Variants in MPZL1 observed in about 807,000 individuals in gnomAD.
The protein encoded by MPZL1 is myelin protein zero-like protein 1.
MPZL1 carries 16 observed loss-of-function variants against 29.3 expected under a neutral mutation model. The ratio of observed to expected loss-of-function variants is 0.55; its 90% CI spans 0.37 to 0.83. MPZL1 has a LOEUF of 0.83. MPZL1 is among the 40% of genes least tolerant of loss of function. MPZL1 has a pLI of 0.00. For synonymous variants in MPZL1, 143 were observed against 132.0 expected (o/e 1.08, Z -0.57); for missense variants, 279 against 332.9 (o/e 0.84, Z 1.26).
rs1661636791 is a variant in MPZL1 at position 167,788,506 on chromosome 1, T to C, written c.*585T>C. ...TTTTGAAGTTTTTCTCACTAAAATA[T>C]GGGGCAATTGTTAGCCTTACATGTT... On this transcript the variant is annotated 3_prime_UTR_variant, in exon 6 of 6. Transcript: ENST00000359523. The C allele has an allele frequency of 6.6e-6, 1 of 152,454 alleles. No individual in the cohort carries two copies. Among genetic ancestry groups the C allele is most frequent in the African/African-American group, 2.4e-5 (1 of 41,468 alleles). The allele number at this position is 152,454 out of a possible 1,614,324, so 9.4% of individuals were successfully genotyped here.
chr1:167,751,288 A>G (rs1660749566), intron 1 of MPZL1, among the ~76,000 whole-genome samples: 2 of 152,230 alleles, frequency 1.3e-5, no homozygotes, highest in Admixed American at 6.5e-5. Context: ...TCCCATCAAA[A>G]TGGTTGTGAT....
chr1:167,785,836 G>A (rs1023374788), intron 5 of MPZL1, among the ~76,000 whole-genome samples: 16 of 152,012 alleles, frequency 1.1e-4, no homozygotes, highest in African/African-American at 3.4e-4. Flanking sequence ...TTTGTCACCC[G>A]GGCTGAAGTG....
At chr1:167,773,473 T>G (rs900698186) in intron 4 of MPZL1, 105 bp downstream of exon 4, 70 of 1,329,396 alleles carry the variant, frequency 5.3e-5, no homozygotes, top group Non-Finnish European at 6.8e-5. Flanking sequence ...TAACTACTAT[T>G]TTCTTTCATG....
At chr1:167,778,523 A>ATGGATGGAT (rs1661418594) in intron 5 of MPZL1, among the ~76,000 whole-genome samples, 1 of 147,236 alleles carries the variant, frequency 6.8e-6, no homozygotes, top group Admixed American at 6.8e-5. Context: ...GAAGGAAGGA[A>ATGGATGGAT]GGATGGATGG....
intron 1 of MPZL1, among the ~76,000 whole-genome samples, chr1:167,738,319 A>G (rs1660421422): frequency 6.6e-6 from 1 of 152,186 alleles, no homozygotes; most frequent in South Asian, 2.1e-4. Flanking sequence ...CTAATGTTGA[A>G]TTGAAAGAAC....
rs183579394 is a variant in MPZL1 at position 167,734,027 on chromosome 1, C to T, written c.91+11785C>T. Among the ~76,000 whole-genome samples the T allele has an allele frequency of 5.4e-3, 827 of 152,170 alleles. 11 individuals carry two copies. The highest frequency in any genetic ancestry group is 0.019 in the African/African-American group (802 of 41,516). On this transcript the variant is annotated intron_variant, in intron 1 of 5. Coordinates refer to ENST00000359523, the MANE Select transcript of MPZL1 (RefSeq NM_003953.6). ...ATCCCAGCACTTTGGGAGGCCAAGGCGGACGGATCATGAGGTCAGGAGATC... is the reference window on the plus strand; with the variant it reads ...ATCCCAGCACTTTGGGAGGCCAAGGTGGACGGATCATGAGGTCAGGAGATC...
chr1:167,773,405 G>T, intron 4 of MPZL1, 37 bp downstream of exon 4: 1 of 1,590,442 alleles, frequency 6.3e-7, no homozygotes. Flanking sequence ...GGGGTGGAGG[G>T]AGGGAATCAG....
intron 1 of MPZL1, among the ~76,000 whole-genome samples, chr1:167,743,727 A>G (rs1218808072): frequency 6.6e-6 from 1 of 152,032 alleles, no homozygotes; most frequent in African/African-American, 2.4e-5. Flanking sequence ...GTTGGTGTAT[A>G]GAAGAGCTAC....
chr1:167,755,016 ACAT>A (rs927058402), intron 1 of MPZL1, among the ~76,000 whole-genome samples: 53 of 152,206 alleles, frequency 3.5e-4, no homozygotes, highest in African/African-American at 1.3e-3. Flanking sequence ...CTACAGTAAC[ACAT>A]CATTATCACC....
chr1:167,767,445 C>T (rs758917063), intron 2 of MPZL1, among the ~76,000 whole-genome samples: 1 of 152,148 alleles, frequency 6.6e-6, no homozygotes, highest in Non-Finnish European at 1.5e-5. Flanking sequence ...ACAGTCTTGT[C>T]GTGTAGGTCC....
At chr1:167,772,920 G>A (rs753941376) in intron 3 of MPZL1, among the ~76,000 whole-genome samples, 17 of 152,168 alleles carry the variant, frequency 1.1e-4, no homozygotes, top group Non-Finnish European at 2.2e-4. Flanking sequence ...GCAGGTTCTG[G>A]TGTCTCATTT....
chr1:167,736,071 G>T (rs1660371815), intron 1 of MPZL1, among the ~76,000 whole-genome samples: 1 of 152,064 alleles, frequency 6.6e-6, no homozygotes, highest in Non-Finnish European at 1.5e-5. Context: ...TTTCTTTCCA[G>T]ACCTTTTTGC....
intron 1 of MPZL1, among the ~76,000 whole-genome samples, chr1:167,725,120 C>T (rs1046709840): frequency 2.0e-5 from 3 of 152,196 alleles, no homozygotes; most frequent in Non-Finnish European, 4.4e-5. Context: ...AGGCCAGAAA[C>T]CTAGGGTCCA....
In MPZL1 at chr1:167,722,162, C is replaced by T. The variant is rs1660042040; in HGVS notation, c.11C>T (p.Ser4Phe). 8.1e-7 allele frequency: 1 copy of T among 1,236,154 alleles called. No individual in the cohort carries two copies. The highest frequency in any genetic ancestry group is 1.0e-6 in the Non-Finnish European group (1 of 988,416). The allele number at this position is 1,236,154 out of a possible 1,614,324, so 76.6% of individuals were successfully genotyped here. A position where few individuals can be genotyped will look rare whatever the true frequency, so the allele number is the denominator to read the frequency against. Residue 4 changes from serine to phenylalanine, a missense_variant, in exon 1 of 6, where the codon TCC (serine) becomes TTC (phenylalanine). Transcript: ENST00000359523. ...TGCAGTGGCTGGACGATGGCAGCGTCCGCCGGAGCCGGGGCGGTGATTGCA... is the reference window on the plus strand; with the variant it reads ...TGCAGTGGCTGGACGATGGCAGCGTTCGCCGGAGCCGGGGCGGTGATTGCA... MAA[S>F]AGAGAVIAAP...
In MPZL1 at chr1:167,727,816, T is replaced by A. The variant is rs187782066; in HGVS notation, c.91+5574T>A. 2.0e-5 allele frequency among the ~76,000 whole-genome samples: 3 copies of A among 152,256 alleles called. No homozygotes were observed. In the East Asian group the frequency reaches 5.8e-4, roughly 29 times the overall value. ...AAATTGTGGTTGTCTCCTGGGATCT[T>A]TATATCTTTGCCTTTAAACCCCTTT... On this transcript the variant is annotated intron_variant, in intron 1 of 5. Coordinates refer to ENST00000359523, the MANE Select transcript of MPZL1 (RefSeq NM_003953.6).
intron 1 of MPZL1, among the ~76,000 whole-genome samples, chr1:167,741,922 A>T (rs1166856089): frequency 6.6e-6 from 1 of 152,038 alleles, no homozygotes; most frequent in African/African-American, 2.4e-5. Context: ...AGTCCCAGCT[A>T]CTCAGGAGGC....
chr1:167,755,130 ATAGAG>A, intron 1 of MPZL1, among the ~76,000 whole-genome samples: 1 of 152,320 alleles, frequency 6.6e-6, no homozygotes, highest in East Asian at 1.9e-4. Flanking sequence ...ATAATATCAT[ATAGAG>A]TAATTTAGTA....
At chr1:167,780,745 G>A (rs1410240259) in intron 5 of MPZL1, among the ~76,000 whole-genome samples, 4 of 152,174 alleles carry the variant, frequency 2.6e-5, no homozygotes, top group African/African-American at 9.6e-5. Context: ...GGAAGAATAG[G>A]GAGTTGTTTA....
At chr1:167,771,661 G>T (rs535309444) in intron 2 of MPZL1, among the ~76,000 whole-genome samples, 2 of 151,320 alleles carry the variant, frequency 1.3e-5, no homozygotes, top group African/African-American at 4.9e-5. Flanking sequence ...CGGGCAGAGG[G>T]GCTCCTCACA....
Sources: gnomAD v4.1 joint callset for allele counts (sites outside exome capture counted in the v4.1 genomes callset) on GRCh38, gnomAD v4.1.1 for gene constraint, MANE v1.5 for transcripts, NCBI Gene and HGNC (gene_info 2026-07-23, HGNC 2026-07-21) for gene names.